Variants in NEO1 observed in about 807,000 individuals in gnomAD.
NEO1 encodes neogenin 1, also known as neogenin.
Under a neutral mutation model 159.7 loss-of-function variants are expected in NEO1, and 63 were observed. The observed-to-expected ratio is 0.39, with a 90% CI of 0.32 to 0.49. The LOEUF is 0.49. Ranked by LOEUF, NEO1 falls within the 20% of genes least tolerant of loss-of-function variation. NEO1 has a pLI of 0.85. For missense variants in NEO1, 1,615 were observed against 1,831.0 expected (o/e 0.88, Z 2.15); for synonymous variants, 633 against 662.0 (o/e 0.96, Z 0.67).
intron 26 of NEO1, 98 bp from the exon 27 acceptor site, chr15:73,298,250 T>G: frequency 4.8e-6 from 7 of 1,456,410 alleles, no homozygotes; most frequent in Non-Finnish European, 6.6e-6. Flanking sequence ...CAAGTGCTAT[T>G]GAGCTGGTTT....
chr15:73,108,090 T>G (rs1186783327), intron 1 of NEO1, among the ~76,000 whole-genome samples: 1 of 152,240 alleles, frequency 6.6e-6, no homozygotes, highest in Non-Finnish European at 1.5e-5. Context: ...GAAACAATTC[T>G]TATATATTTC....
intron 7 of NEO1, among the ~76,000 whole-genome samples, chr15:73,229,467 G>A (rs781676428): frequency 6.9e-6 from 1 of 144,388 alleles, no homozygotes; most frequent in Non-Finnish European, 1.5e-5. Context: ...TTTTTTTTCA[G>A]TAGATTCATG....
chr15:73,064,437 G>A (rs1365845645), intron 1 of NEO1, among the ~76,000 whole-genome samples: 3 of 152,066 alleles, frequency 2.0e-5, no homozygotes, highest in South Asian at 4.2e-4. Flanking sequence ...TGTATGATAT[G>A]ACTTCTCTGT....
chr15:73,217,734 T>A (rs578007890), intron 7 of NEO1, among the ~76,000 whole-genome samples: 1 of 151,416 alleles, frequency 6.6e-6, no homozygotes. Flanking sequence ...CTCTGTTTGT[T>A]ATTGGTGTAT....
chr15:73,277,236 C>A (rs1359377926), intron 21 of NEO1, among the ~76,000 whole-genome samples: 1 of 152,194 alleles, frequency 6.6e-6, no homozygotes, highest in African/African-American at 2.4e-5. Context: ...TTTCAGACCT[C>A]TTTTTCAGGA....
At chr15:73,160,268 G>A (rs2034077235) in intron 5 of NEO1, among the ~76,000 whole-genome samples, 1 of 152,150 alleles carries the variant, frequency 6.6e-6, no homozygotes, top group African/African-American at 2.4e-5. Context: ...ATCCCAGAAT[G>A]TGGGGGTTAT....
intron 1 of NEO1, among the ~76,000 whole-genome samples, chr15:73,087,845 A>G (rs1233732496): frequency 6.6e-6 from 1 of 152,140 alleles, no homozygotes; most frequent in Non-Finnish European, 1.5e-5. Context: ...TATACTACAA[A>G]TACCATTTTA....
intron 21 of NEO1, among the ~76,000 whole-genome samples, chr15:73,277,761 T>A (rs138940661): frequency 2.2e-3 from 334 of 152,290 alleles, no homozygotes; most frequent in African/African-American, 7.7e-3. Context: ...TTAACCTAAT[T>A]AGTCCCCTTG....
At chr15:73,163,198 A>G (rs2034315695) in intron 5 of NEO1, among the ~76,000 whole-genome samples, 1 of 152,212 alleles carries the variant, frequency 6.6e-6, no homozygotes, top group African/African-American at 2.4e-5. Context: ...AATGACAACA[A>G]AAAACATGTT....
In NEO1 at chr15:73,169,431, A is replaced by G. The variant is rs192190109; in HGVS notation, c.1016-6972A>G. 2.2e-3 allele frequency among the ~76,000 whole-genome samples: 333 copies of G among 152,204 alleles called. 1 individual carries two copies. Among genetic ancestry groups the G allele is most frequent in the African/African-American group, 7.4e-3 (306 of 41,546 alleles). On this transcript the variant is annotated intron_variant, in intron 5 of 28. Transcript: ENST00000261908. Reference sequence around the variant, plus strand: ...CTCTGGTTATCAATTTAACTTCCCAACCACAAACATCTGCTCTTACAATTG... The same window carrying G: ...CTCTGGTTATCAATTTAACTTCCCAGCCACAAACATCTGCTCTTACAATTG...
chr15:73,159,144 G>A (rs111984749), intron 5 of NEO1, among the ~76,000 whole-genome samples: 12 of 152,120 alleles, frequency 7.9e-5, no homozygotes, highest in African/African-American at 2.4e-4. Context: ...TGTACAAAAT[G>A]AGTAGTTATT....
rs767800435 is a variant in NEO1, at chr15:73,289,225, C to T, written c.3729C>T (p.Ser1243=). The T allele has an allele frequency of 6.2e-7, 1 of 1,613,966 alleles. No homozygotes were observed. Among genetic ancestry groups the T allele is most frequent in the Middle Eastern group, 1.7e-4 (1 of 6,060 alleles). ...MRPKMMMPFD[S]QPPQPVISAH... ...CAAAAATGATGATGCCCTTTGACTC[C>T]CAGCCACCCCAGCGTAAGTAGAAGC... The change falls in exon 25 of 29, where the codon TCC becomes TCT. Residue 1243 remains serine, a synonymous_variant. Coordinates refer to ENST00000261908, the MANE Select transcript of NEO1 (RefSeq NM_002499.4).
Position 73,279,350 on chromosome 15 carries a change from G to GTTTTT in NEO1, c.3262+1151_3262+1152insTTTTT, listed in dbSNP as rs1567679061. ...CATGTTTTTTTGTTGTTTTGGTTTT[G>GTTTTT]GTTTTTTTTTTTTTTTGAGATGGAA... On this transcript the variant is annotated intron_variant, in intron 22 of 28. Coordinates refer to ENST00000261908, the MANE Select transcript of NEO1 (RefSeq NM_002499.4). 1.7e-4 allele frequency among the ~76,000 whole-genome samples: 10 copies of GTTTTT among 58,134 alleles called. 1 individual carries two copies. The highest frequency in any genetic ancestry group is 3.9e-4 in the Non-Finnish European group (7 of 18,056). 38.1% of individuals were successfully genotyped at this position (58,134 alleles called of 152,430 possible).
chr15:73,091,456 A>G lies in NEO1; in HGVS notation c.131-25084A>G, dbSNP rs576606950. ...GAAAAACAAATACTTAAAAACTAGA[A>G]AATATTTAATAAAAATTAGCAGTGA... On this transcript the variant is annotated intron_variant, in intron 1 of 28. Transcript: ENST00000261908. Among the ~76,000 whole-genome samples the G allele has an allele frequency of 5.9e-5, 9 of 152,316 alleles. No individual in the cohort carries two copies. The South Asian group carries it at 1.9e-3, about 32-fold the overall frequency.
chr15:73,052,751 C>T lies in NEO1; in HGVS notation c.76C>T (p.Arg26Cys). The change falls in exon 1 of 29, where the codon CGC becomes TGC. Residue 26 changes from arginine to cysteine, a missense_variant. Physicochemically the swap from Arg to Cys is radical, Grantham distance 180 (BLOSUM62 -3). Around this residue, in one of 3 missense-constraint regions of NEO1, gnomAD observed 1,018 missense variants for 1,115.4 expected, o/e 0.91. Transcript: ENST00000261908. ...GCTCTACTGCCTGCTGCTGCTCGGG[C>T]GCCGGGCGCCGGGCGCCGCGGCCGC... ...FWLYCLLLLG[R>C]RAPGAAAARS... The T allele has an allele frequency of 7.9e-7, 1 of 1,270,660 alleles. No individual in the cohort carries two copies. 78.7% of individuals were successfully genotyped at this position (1,270,660 alleles called of 1,614,324 possible). A position where few individuals can be genotyped will look rare whatever the true frequency, so the allele number is the denominator to read the frequency against.
At chr15:73,293,585 C>A in intron 26 of NEO1, 37 bp downstream of exon 26, 1 of 1,580,146 alleles carries the variant, frequency 6.3e-7, no homozygotes, top group Non-Finnish European at 8.6e-7. Context: ...GGAAACCATT[C>A]CAAAAGAGTC....
At chr15:73,152,432 C>T (rs566710199) in intron 5 of NEO1, among the ~76,000 whole-genome samples, 1 of 152,304 alleles carries the variant, frequency 6.6e-6, no homozygotes, top group South Asian at 2.1e-4. Flanking sequence ...CATGGACGCT[C>T]CTAGAGGGTG....
At chr15:73,090,956 A>G (rs2069657126) in intron 1 of NEO1, among the ~76,000 whole-genome samples, 1 of 152,196 alleles carries the variant, frequency 6.6e-6, no homozygotes, top group Non-Finnish European at 1.5e-5. Flanking sequence ...TGCGTTATTG[A>G]GGCAGTTACT....
At chr15:73,078,837 G>GC (rs2068903330) in intron 1 of NEO1, among the ~76,000 whole-genome samples, 1 of 152,320 alleles carries the variant, frequency 6.6e-6, no homozygotes, top group South Asian at 2.1e-4. Context: ...AGCACTGTGT[G>GC]CTGGAGATTT....
Sources: allele counts gnomAD v4.1 joint callset (sites outside exome capture counted in the v4.1 genomes callset), GRCh38; gene constraint gnomAD v4.1.1; regional missense constraint gnomAD v4.1.1; transcripts MANE v1.5; gene names NCBI Gene and HGNC (gene_info 2026-07-23, HGNC 2026-07-21).